Variants in BLTP1 observed in about 807,000 individuals in gnomAD.
The protein encoded by BLTP1 is bridge-like lipid transfer protein family member 1.
the BLTP1 span, among the ~76,000 whole-genome samples, chr4:122,154,715 T>C: frequency 3.9e-5 from 6 of 152,028 alleles, no homozygotes; most frequent in Admixed American, 1.3e-4. Flanking sequence ...CTACTAAAAA[T>C]ACAAAAATTT....
the BLTP1 span, among the ~76,000 whole-genome samples, chr4:122,324,777 G>C: frequency 6.6e-6 from 1 of 151,906 alleles, no homozygotes; most frequent in Non-Finnish European, 1.5e-5. Flanking sequence ...ATTTAGACAA[G>C]TTTCTGTTTT....
At chr4:122,346,164 GA>G in the BLTP1 span, among the ~76,000 whole-genome samples, 1 of 152,154 alleles carries the variant, frequency 6.6e-6, no homozygotes. Context: ...GAATGCTCCA[GA>G]GCAGAACTCT....
chr4:122,197,677 G>A, the BLTP1 span, among the ~76,000 whole-genome samples: 33 of 152,130 alleles, frequency 2.2e-4, no homozygotes, highest in Non-Finnish European at 4.3e-4. Context: ...TTTGTTTTAG[G>A]TTATATTATT....
chr4:122,220,280 C>A, the BLTP1 span: 2 of 1,580,090 alleles, frequency 1.3e-6, no homozygotes, highest in Non-Finnish European at 1.7e-6. Flanking sequence ...TCCTATACTT[C>A]CTTACTTTTT....
chr4:122,234,588 A>G, the BLTP1 span: 231 of 245,618 alleles, frequency 9.4e-4, 1 homozygote, highest in Admixed American at 2.5e-3. Context: ...TGGTAAGACT[A>G]TATTTTTTAG....
chr4:122,331,296 C>A, the BLTP1 span: 4 of 1,590,682 alleles, frequency 2.5e-6, no homozygotes, highest in African/African-American at 1.4e-5. Flanking sequence ...CATTTTACTA[C>A]AATGTAATGA....
the BLTP1 span, among the ~76,000 whole-genome samples, chr4:122,220,863 G>A: frequency 6.6e-6 from 1 of 152,188 alleles, no homozygotes; most frequent in South Asian, 2.1e-4. Context: ...GTATCTACAT[G>A]ATCAATGATT....
the BLTP1 span, among the ~76,000 whole-genome samples, chr4:122,326,696 TG>T: frequency 6.6e-6 from 1 of 151,640 alleles, no homozygotes; most frequent in South Asian, 2.1e-4. Flanking sequence ...ATGTACTGCT[TG>T]TAAAAAAATG....
the BLTP1 span, among the ~76,000 whole-genome samples, chr4:122,223,747 A>G: frequency 4.6e-4 from 70 of 152,268 alleles, no homozygotes; most frequent in Non-Finnish European, 8.1e-4. Context: ...AGGTGATACT[A>G]TTTGGACCAG....
At chr4:122,258,816 C>G in the BLTP1 span, 1 of 1,611,720 alleles carries the variant, frequency 6.2e-7, no homozygotes, top group South Asian at 1.1e-5. Context: ...AAACTCATAC[C>G]CATAGTGACT....
At chr4:122,184,702 T>C in the BLTP1 span, 1 of 985,366 alleles carries the variant, frequency 1.0e-6, no homozygotes, top group African/African-American at 1.7e-5. Flanking sequence ...GTAAAAATGC[T>C]GGTTTAACAA....
the BLTP1 span, among the ~76,000 whole-genome samples, chr4:122,186,700 G>A: frequency 6.6e-6 from 1 of 151,958 alleles, no homozygotes; most frequent in Non-Finnish European, 1.5e-5. Flanking sequence ...ATACATATCT[G>A]TGTATGTAGG....
the BLTP1 span, chr4:122,243,358 T>G: frequency 2.3e-4 from 222 of 952,090 alleles, 2 homozygotes; most frequent in African/African-American, 3.6e-3. Flanking sequence ...ATATTAAAAT[T>G]TTCTCATTCA....
the BLTP1 span, chr4:122,309,442 T>C: frequency 1.9e-6 from 3 of 1,613,146 alleles, no homozygotes; most frequent in Non-Finnish European, 2.5e-6. Context: ...CAGAAATTCA[T>C]GGGGATTTAG....
the BLTP1 span, chr4:122,224,932 T>A: frequency 3.3e-5 from 42 of 1,267,610 alleles, no homozygotes; most frequent in Non-Finnish European, 4.1e-5. Flanking sequence ...TTTGAGACTT[T>A]CTTTGGGAAA....
the BLTP1 span, chr4:122,298,196 TAGATA>T: frequency 1.2e-6 from 1 of 856,130 alleles, no homozygotes; most frequent in Non-Finnish European, 1.4e-6. Flanking sequence ...ATTGAATAAA[TAGATA>T]AGACAGCTAA....
At chr4:122,199,106 G>C in the BLTP1 span, among the ~76,000 whole-genome samples, 9 of 152,144 alleles carry the variant, frequency 5.9e-5, no homozygotes, top group Non-Finnish European at 1.3e-4. Flanking sequence ...GAATAGACTT[G>C]TAGTTTTGCA....
At chr4:122,230,227 A>G in the BLTP1 span, 9 of 1,607,300 alleles carry the variant, frequency 5.6e-6, no homozygotes, top group Non-Finnish European at 7.7e-6. Flanking sequence ...TGAAAATGTT[A>G]AGAATGGCAG....
At chr4:122,270,107 T>C in the BLTP1 span, among the ~76,000 whole-genome samples, 1 of 152,110 alleles carries the variant, frequency 6.6e-6, no homozygotes, top group African/African-American at 2.4e-5. Flanking sequence ...ATATGCTTAG[T>C]TGGCATTGAT....
Sources: allele counts gnomAD v4.1 joint callset (sites outside exome capture counted in the v4.1 genomes callset), GRCh38; gene constraint gnomAD v4.1.1; transcripts MANE v1.5; gene names NCBI Gene and HGNC (gene_info 2026-07-23, HGNC 2026-07-21).